TERF1: variants seen among roughly 807,000 people sequenced by gnomAD.
TERF1 encodes the protein telomeric repeat binding factor 1.
In TERF1, 20 loss-of-function variants were observed where a neutral mutation model predicts 55.1. That is an observed-to-expected ratio of 0.36 (90% CI 0.26 to 0.53). TERF1 has a LOEUF of 0.53. Among genes scored for constraint, TERF1 ranks in the 20% least tolerant of loss-of-function variants. TERF1 has a pLI of 0.91. For missense variants in TERF1, 439 were observed against 535.7 expected (o/e 0.82, Z 1.78); for synonymous variants, 168 against 181.2 (o/e 0.93, Z 0.59).
At chr8:73,032,996 TCTCC>T (rs1304222699) in intron 8 of TERF1, among the ~76,000 whole-genome samples, 2 of 150,844 alleles carry the variant, frequency 1.3e-5, no homozygotes, top group East Asian at 3.9e-4. Flanking sequence ...ATTAGGTATA[TCTCC>T]TAATGCTATC....
chr8:73,018,039 A>ATG (rs1808595265), intron 2 of TERF1, among the ~76,000 whole-genome samples: 1 of 152,084 alleles, frequency 6.6e-6, no homozygotes, highest in Admixed American at 6.5e-5. Context: ...AGCTCTTCAG[A>ATG]TGTTTCTGAG....
chr8:73,012,723 CTT>C (rs1808334460), intron 1 of TERF1: 1 of 262,846 alleles, frequency 3.8e-6, no homozygotes, highest in African/African-American at 2.3e-5. Flanking sequence ...CTGCGGTAAA[CTT>C]TCAATTTGTA....
chr8:73,035,879 G>GT (rs1809486988), intron 8 of TERF1, among the ~76,000 whole-genome samples: 1 of 152,128 alleles, frequency 6.6e-6, no homozygotes, highest in South Asian at 2.1e-4. Flanking sequence ...CTATTCTGGT[G>GT]TTTTGGTGTT....
chr8:73,037,133 A>G (rs1241190509), intron 8 of TERF1, among the ~76,000 whole-genome samples: 1 of 130,914 alleles, frequency 7.6e-6, no homozygotes, highest in Non-Finnish European at 1.6e-5. Context: ...CTATATAATT[A>G]ATAATTTATA....
chr8:73,044,702 C>T (rs1009621701), intron 9 of TERF1, among the ~76,000 whole-genome samples: 1 of 152,088 alleles, frequency 6.6e-6, no homozygotes, highest in Non-Finnish European at 1.5e-5. Context: ...ACAGTAAGTC[C>T]ATTTCCATCC....
chr8:73,024,399 A>G (rs1432143958), intron 4 of TERF1, among the ~76,000 whole-genome samples: 1 of 152,210 alleles, frequency 6.6e-6, no homozygotes, highest in African/African-American at 2.4e-5. Context: ...GCAATGCTAC[A>G]TATTTGTGGA....
At chr8:73,031,109 C>G (rs1042157794) in intron 7 of TERF1, 2 of 152,204 alleles carry the variant, frequency 1.3e-5, no homozygotes, top group Admixed American at 1.3e-4. Flanking sequence ...CATGAATCCT[C>G]AAGGCTGAAG....
chr8:73,019,979 T>C (rs1376636722), intron 2 of TERF1, among the ~76,000 whole-genome samples: 1 of 152,056 alleles, frequency 6.6e-6, no homozygotes, highest in Non-Finnish European at 1.5e-5. Flanking sequence ...ACTCTGAAAC[T>C]GTATTTATTT....
At chr8:73,027,118 T>TA in intron 6 of TERF1, 66 bp downstream of exon 6, 3 of 1,092,460 alleles carry the variant, frequency 2.7e-6, no homozygotes, top group Non-Finnish European at 3.9e-6. Context: ...GTAAAATTGA[T>TA]ATGTCTTTTT....
chr8:73,008,981 A>G lies in TERF1; in HGVS notation c.95A>G (p.Glu32Gly). The change falls in exon 1 of 10, where the codon GAG (glutamate) becomes GGG (glycine). Residue 32 changes from glutamate to glycine, a missense_variant. Around this residue, in one of 4 missense-constraint regions of TERF1, gnomAD observed 179 missense variants for 152.6 expected, o/e 1.17. Transcript: ENST00000276603. Reference protein sequence around the residue: ...DPTEEQMAETERNDEEQFECQ... With the variant: ...DPTEEQMAETGRNDEEQFECQ... ...ACTGAGGAGCAGATGGCAGAAACAGAGAGAAACGACGAGGAGCAGTTCGAA... is the reference window on the plus strand; with the variant it reads ...ACTGAGGAGCAGATGGCAGAAACAGGGAGAAACGACGAGGAGCAGTTCGAA... 6.2e-7 allele frequency: 1 copy of G among 1,612,882 alleles called. No individual in the cohort carries two copies. Among genetic ancestry groups the G allele is most frequent in the Non-Finnish European group, 8.5e-7 (1 of 1,179,752 alleles).
At chr8:73,039,038 T>G in intron 8 of TERF1, 78 bp from the exon 9 acceptor site, 1 of 1,031,256 alleles carries the variant, frequency 9.7e-7, no homozygotes, top group Non-Finnish European at 1.4e-6. Flanking sequence ...AGGAATTTCA[T>G]TATAATCATT....
intron 9 of TERF1, among the ~76,000 whole-genome samples, chr8:73,040,407 T>C (rs1044607514): frequency 6.6e-6 from 1 of 152,162 alleles, no homozygotes; most frequent in Non-Finnish European, 1.5e-5. Flanking sequence ...ATGGTTCAGG[T>C]TGTAAATTTC....
chr8:73,033,477 C>T (rs990173291), intron 8 of TERF1, among the ~76,000 whole-genome samples: 1 of 152,138 alleles, frequency 6.6e-6, no homozygotes. Flanking sequence ...CGCCTATAGT[C>T]CTAGCACTTT....
intron 4 of TERF1, 58 bp downstream of exon 4, chr8:73,022,360 A>C (rs1024223313): frequency 1.9e-6 from 2 of 1,059,020 alleles, no homozygotes; most frequent in African/African-American, 3.3e-5. Context: ...AGTGAGGAAA[A>C]CTGAAAGAAA....
At position 73,020,817 on chromosome 8, in the gene TERF1, T is replaced by C. The variant is rs749581809; in HGVS notation, c.537+12T>C. On this transcript the variant is annotated intron_variant, in intron 3 of 9. Coordinates refer to ENST00000276603, the MANE Select transcript of TERF1 (RefSeq NM_017489.3). ...TAATTAAAATTCAGGTATGAATAAA[T>C]TACTTTTATGCTTATTATATTTCTA... 1 of 1,283,282 alleles carries C rather than the reference T, an allele frequency of 7.8e-7. No homozygotes were observed. The highest frequency in any genetic ancestry group is 2.5e-5 in the East Asian group (1 of 39,758). 79.5% of individuals were successfully genotyped at this position (1,283,282 alleles called of 1,614,324 possible).
chr8:73,031,990 T>C (rs886603014), intron 7 of TERF1, 52 bp from the exon 8 acceptor site: 2 of 1,282,442 alleles, frequency 1.6e-6, no homozygotes, highest in Admixed American at 3.7e-5. Context: ...CTGTTTTCCA[T>C]TGCCTTACTA....
chr8:73,029,207 A>T (rs1202174001), intron 6 of TERF1, among the ~76,000 whole-genome samples: 1 of 152,232 alleles, frequency 6.6e-6, no homozygotes, highest in Non-Finnish European at 1.5e-5. Context: ...TGAAGACTAG[A>T]TGAAATAAAT....
At chr8:73,033,367 A>T (rs1036654941) in intron 8 of TERF1, among the ~76,000 whole-genome samples, 5 of 152,134 alleles carry the variant, frequency 3.3e-5, no homozygotes, top group Admixed American at 1.3e-4. Context: ...GACGGCTGGG[A>T]ATCATTTTAA....
intron 4 of TERF1, among the ~76,000 whole-genome samples, chr8:73,024,176 G>C (rs1808882843): frequency 6.6e-6 from 1 of 152,122 alleles, no homozygotes; most frequent in African/African-American, 2.4e-5. Flanking sequence ...TACAATAATT[G>C]CAAGTAGCCT....
Sources: gnomAD v4.1 joint callset for allele counts (sites outside exome capture counted in the v4.1 genomes callset) on GRCh38, gnomAD v4.1.1 for gene constraint, gnomAD v4.1.1 regional missense constraint, MANE v1.5 for transcripts, NCBI Gene and HGNC (gene_info 2026-07-23, HGNC 2026-07-21) for gene names.